Variants in PRKG1 observed in about 807,000 individuals in gnomAD.
PRKG1 encodes protein kinase cGMP-dependent 1.
In PRKG1, 35 loss-of-function variants were observed where a neutral mutation model predicts 88.1. That is an observed-to-expected ratio of 0.40 (90% CI 0.30 to 0.53). The LOEUF (loss-of-function observed/expected upper bound fraction) is 0.53, where lower values mean the gene tolerates loss of function less well. PRKG1 is among the 20% of genes least tolerant of loss of function. PRKG1 has a pLI of 0.59. For missense variants in PRKG1, 540 were observed against 839.8 expected (o/e 0.64, Z 4.41); for synonymous variants, 303 against 292.5 (o/e 1.04, Z -0.37).
At chr10:52,158,578 A>G (rs1242345071) in intron 8 of PRKG1, among the ~76,000 whole-genome samples, 3 of 151,710 alleles carry the variant, frequency 2.0e-5, no homozygotes, top group African/African-American at 7.2e-5. Context: ...GGATCTGCAG[A>G]CAGTGGCAGT....
intron 2 of PRKG1, among the ~76,000 whole-genome samples, chr10:51,430,993 T>C (rs116915316): frequency 1.3e-5 from 2 of 152,310 alleles, no homozygotes; most frequent in Non-Finnish European, 2.9e-5. Flanking sequence ...ATGGAGATGT[T>C]CTTAAGCTGG....
intron 3 of PRKG1, among the ~76,000 whole-genome samples, chr10:51,775,491 G>A (rs1188320460): frequency 2.0e-5 from 3 of 152,056 alleles, no homozygotes; most frequent in African/African-American, 7.2e-5. Flanking sequence ...TGTAAGACTT[G>A]CACAAATCTG....
rs567012182 is a variant in PRKG1, at chr10:51,994,114, A to G, written c.763-60370A>G. 1.1e-3 allele frequency among the ~76,000 whole-genome samples: 171 copies of G among 152,270 alleles called. 1 individual carries two copies. Among genetic ancestry groups the G allele is most frequent in the African/African-American group, 4.0e-3 (166 of 41,578 alleles). On this transcript the variant is annotated intron_variant, in intron 5 of 17. Coordinates refer to ENST00000373980, the MANE Select transcript of PRKG1 (RefSeq NM_006258.4). ...TTCTCAGTCTCTTCCTCAGTGGCAA[A>G]CTACTGCTTGCTGTGTTCACCCTTT...
intron 7 of PRKG1, among the ~76,000 whole-genome samples, chr10:52,125,346 C>T (rs1020691780): frequency 7.9e-5 from 12 of 152,272 alleles, no homozygotes; most frequent in African/African-American, 2.6e-4. Flanking sequence ...TTTCTCCTGA[C>T]TGTTTATCTT....
At chr10:52,121,472 C>T (rs960346149) in intron 7 of PRKG1, among the ~76,000 whole-genome samples, 2 of 152,022 alleles carry the variant, frequency 1.3e-5, no homozygotes, top group Admixed American at 6.6e-5. Flanking sequence ...TTATTAATTC[C>T]ATCTTAAAAT....
intron 14 of PRKG1, among the ~76,000 whole-genome samples, chr10:52,285,198 C>T (rs1480443254): frequency 6.6e-6 from 1 of 152,054 alleles, no homozygotes; most frequent in Non-Finnish European, 1.5e-5. Flanking sequence ...CCCCCACCAA[C>T]TTAGGAAAAG....
chr10:51,946,565 T>C (rs1211702490), intron 5 of PRKG1, among the ~76,000 whole-genome samples: 1 of 152,060 alleles, frequency 6.6e-6, no homozygotes, highest in Non-Finnish European at 1.5e-5. Context: ...GTTTTTCTGC[T>C]CTGTTTTTTC....
chr10:51,924,206 C>T (rs1842523445), intron 5 of PRKG1, among the ~76,000 whole-genome samples: 1 of 152,136 alleles, frequency 6.6e-6, no homozygotes, highest in Non-Finnish European at 1.5e-5. Flanking sequence ...CTTCTTTTAA[C>T]ATTTCCTGTA....
chr10:52,092,141 T>G (rs1328311416), intron 7 of PRKG1, among the ~76,000 whole-genome samples: 2 of 152,178 alleles, frequency 1.3e-5, no homozygotes, highest in Non-Finnish European at 2.9e-5. Flanking sequence ...ATAGGCAGGT[T>G]GGTTAGACTT....
At chr10:51,861,025 T>C (rs1840859724) in intron 4 of PRKG1, among the ~76,000 whole-genome samples, 1 of 152,192 alleles carries the variant, frequency 6.6e-6, no homozygotes, top group Non-Finnish European at 1.5e-5. Flanking sequence ...ACTACATGCC[T>C]AGCAAATGAG....
intron 2 of PRKG1, among the ~76,000 whole-genome samples, chr10:51,301,151 G>A (rs373311414): frequency 2.3e-4 from 35 of 152,256 alleles, no homozygotes; most frequent in East Asian, 5.8e-4. Flanking sequence ...GAAACTGGCC[G>A]TCCAAAATCA....
intron 7 of PRKG1, among the ~76,000 whole-genome samples, chr10:52,104,880 A>G (rs2132574856): frequency 6.6e-6 from 1 of 152,290 alleles, no homozygotes; most frequent in East Asian, 1.9e-4. Flanking sequence ...ATTTTTCACA[A>G]TCCAGCCACA....
At chr10:51,976,484 C>T (rs1443815617) in intron 5 of PRKG1, among the ~76,000 whole-genome samples, 1 of 150,074 alleles carries the variant, frequency 6.7e-6, no homozygotes, top group Non-Finnish European at 1.5e-5. Flanking sequence ...ATGTGCTAAG[C>T]CAAAGAAACC....
chr10:52,155,151 T>C (rs1337697541), intron 8 of PRKG1, among the ~76,000 whole-genome samples: 1 of 150,440 alleles, frequency 6.6e-6, no homozygotes, highest in African/African-American at 2.4e-5. Flanking sequence ...TTTGGGTAGA[T>C]ATACAGTACT....
intron 4 of PRKG1, among the ~76,000 whole-genome samples, chr10:51,893,666 C>A (rs1000856371): frequency 6.6e-6 from 1 of 152,090 alleles, no homozygotes. Context: ...AGCTAAATGA[C>A]GTGTTCCTTT....
chr10:50,996,561 G>A (rs1253597836), intron 1 of PRKG1, among the ~76,000 whole-genome samples: 1 of 152,196 alleles, frequency 6.6e-6, no homozygotes, highest in African/African-American at 2.4e-5. Context: ...AATTTCCTCA[G>A]TTAGCCCTGC....
chr10:51,072,447 A>T (rs923144039), upstream of PRKG1, among the ~76,000 whole-genome samples: 1 of 151,984 alleles, frequency 6.6e-6, no homozygotes, highest in Admixed American at 6.6e-5. Context: ...GAAGAAGGAA[A>T]TTTTCATGGA....
At chr10:51,748,148 G>T (rs1197870867) in intron 3 of PRKG1, among the ~76,000 whole-genome samples, 2 of 152,154 alleles carry the variant, frequency 1.3e-5, no homozygotes, top group African/African-American at 4.8e-5. Flanking sequence ...ATATTTCAGT[G>T]CCCATCCAGT....
intron 2 of PRKG1, among the ~76,000 whole-genome samples, chr10:51,334,999 CTTTTTTT>C (rs918622780): frequency 3.4e-4 from 27 of 78,762 alleles, no homozygotes; most frequent in African/African-American, 5.6e-4. Flanking sequence ...TGTCAGGTTT[CTTTTTTT>C]TTTTTTTTTT....
Sources: gnomAD v4.1 joint callset for allele counts (sites outside exome capture counted in the v4.1 genomes callset) on GRCh38, gnomAD v4.1.1 for gene constraint, MANE v1.5 for transcripts, NCBI Gene and HGNC (gene_info 2026-07-23, HGNC 2026-07-21) for gene names.